The following HCK variants were observed in gnomAD, a reference collection of about 807,000 sequenced individuals.
HCK encodes HCK proto-oncogene, Src family tyrosine kinase.
HCK carries 40 observed loss-of-function variants against 70.4 expected under a neutral mutation model. The observed-to-expected ratio is 0.57, with a 90% confidence interval of 0.44 to 0.74. The LOEUF is 0.74. Among genes scored for constraint, HCK ranks in the 30% least tolerant of loss-of-function variants. The pLI is 0.00. For missense variants in HCK, 568 were observed against 697.2 expected (o/e 0.81, Z 2.09); for synonymous variants, 245 against 263.2 (o/e 0.93, Z 0.67).
chr20:32,094,672 G>C (rs1412157364), intron 11 of HCK, among the ~76,000 whole-genome samples: 1 of 126,748 alleles, frequency 7.9e-6, no homozygotes, highest in African/African-American at 3.4e-5. Context: ...GGTGGACAGA[G>C]CAAGATCTTG....
intron 8 of HCK, among the ~76,000 whole-genome samples, chr20:32,085,347 T>C (rs139771538): frequency 6.6e-6 from 1 of 152,054 alleles, no homozygotes; most frequent in South Asian, 2.1e-4. Flanking sequence ...ATCCCGTCTC[T>C]ACGAAAAAAT....
At chr20:32,063,768 T>C (rs2045414461) in intron 1 of HCK, among the ~76,000 whole-genome samples, 1 of 151,828 alleles carries the variant, frequency 6.6e-6, no homozygotes, top group Non-Finnish European at 1.5e-5. Flanking sequence ...GACTCTTTGA[T>C]GTTTAAAGGG....
chr20:32,077,363 A>G (rs1307230533), intron 5 of HCK, among the ~76,000 whole-genome samples: 4 of 152,198 alleles, frequency 2.6e-5, no homozygotes, highest in Non-Finnish European at 5.9e-5. Context: ...TCCCCTCCCC[A>G]GAAGCAACCA....
intron 8 of HCK, 29 bp from the exon 9 acceptor site, chr20:32,086,599 C>A: frequency 6.4e-7 from 1 of 1,570,804 alleles, no homozygotes; most frequent in East Asian, 2.4e-5. Context: ...GGGCTCTGAC[C>A]ACCTTCCCTG....
At chr20:32,069,776 T>C (rs1433340603) in intron 1 of HCK, 3 of 1,274,004 alleles carry the variant, frequency 2.4e-6, no homozygotes, top group Non-Finnish European at 3.1e-6. Context: ...ATAAAAGGAA[T>C]CTTTTTTCAT....
At chr20:32,059,957 A>C (rs969566963) in intron 1 of HCK, among the ~76,000 whole-genome samples, 3 of 152,134 alleles carry the variant, frequency 2.0e-5, no homozygotes, top group African/African-American at 7.2e-5. Context: ...AAAAAATGTA[A>C]AAGGATCAGC....
chr20:32,064,891 C>T (rs1422520428), intron 1 of HCK, among the ~76,000 whole-genome samples: 1 of 152,214 alleles, frequency 6.6e-6, no homozygotes, highest in Non-Finnish European at 1.5e-5. Context: ...GGCAGTGGCC[C>T]GAGGAAGTAT....
At chr20:32,083,759 C>T (rs1196548662) in intron 6 of HCK, 135 bp from the exon 7 acceptor site, 1 of 991,026 alleles carries the variant, frequency 1.0e-6, no homozygotes, top group African/African-American at 1.6e-5. Flanking sequence ...TCCCACAGCC[C>T]ACTCAGACCC....
chr20:32,096,316 G>A (rs2045954096), intron 11 of HCK, among the ~76,000 whole-genome samples: 1 of 150,538 alleles, frequency 6.6e-6, no homozygotes, highest in African/African-American at 2.4e-5. Flanking sequence ...GGCCAATATG[G>A]TGAAACCCTG....
intron 1 of HCK, 112 bp downstream of exon 1, chr20:32,052,598 G>T (rs1478842674): frequency 5.2e-6 from 4 of 765,186 alleles, no homozygotes; most frequent in Non-Finnish European, 7.3e-6. Flanking sequence ...TGGGGGCAGC[G>T]AGGGGAGACG....
chr20:32,081,617 G>A (rs2045710477), intron 6 of HCK, among the ~76,000 whole-genome samples: 1 of 152,192 alleles, frequency 6.6e-6, no homozygotes, highest in Admixed American at 6.5e-5. Context: ...AATTGGCGAA[G>A]CTTTCATGTG....
At chr20:32,062,088 C>T (rs145895392) in intron 1 of HCK, among the ~76,000 whole-genome samples, 337 of 151,922 alleles carry the variant, frequency 2.2e-3, no homozygotes, top group Non-Finnish European at 3.6e-3. Context: ...TACAGGCATG[C>T]GCCACCATGC....
intron 1 of HCK, among the ~76,000 whole-genome samples, chr20:32,061,226 C>T (rs1197557682): frequency 6.6e-6 from 1 of 152,210 alleles, no homozygotes; most frequent in Non-Finnish European, 1.5e-5. Flanking sequence ...TTGTGATTCG[C>T]CCGCCTTGGC....
chr20:32,054,531 A>G (rs964367761), intron 1 of HCK, among the ~76,000 whole-genome samples: 1 of 127,778 alleles, frequency 7.8e-6, no homozygotes, highest in African/African-American at 2.9e-5. Flanking sequence ...AAAAGCCCGG[A>G]CGCGGGGGCT....
chr20:32,054,560 A>T (rs1399972122), intron 1 of HCK, among the ~76,000 whole-genome samples: 1 of 136,240 alleles, frequency 7.3e-6, no homozygotes, highest in East Asian at 2.3e-4. Flanking sequence ...TAATCCCAGC[A>T]CTTTGGGAGG....
intron 1 of HCK, chr20:32,054,215 G>A (rs1421486963): frequency 6.6e-6 from 3 of 456,440 alleles, no homozygotes. Flanking sequence ...TCCCTCCCCA[G>A]GGGCAACCGC....
chr20:32,073,040 C>T (rs147458167), intron 2 of HCK, among the ~76,000 whole-genome samples: 2,525 of 151,736 alleles, frequency 0.017, 70 homozygotes, highest in African/African-American at 0.058. Context: ...GTGGAGGTTT[C>T]GGTGAGCTGA....
chr20:32,069,865 A>AT (rs765204750), intron 1 of HCK: 277 of 766,588 alleles, frequency 3.6e-4, no homozygotes, highest in Admixed American at 3.6e-3. Context: ...TTTTAACAAG[A>AT]TAAGTATAAC....
chr20:32,057,080 A>G (rs1372008279), intron 1 of HCK, among the ~76,000 whole-genome samples: 1 of 152,216 alleles, frequency 6.6e-6, no homozygotes, highest in Non-Finnish European at 1.5e-5. Flanking sequence ...CTCCTAAAAC[A>G]TTAGAAGAGT....
Sources: allele counts gnomAD v4.1 joint callset (sites outside exome capture counted in the v4.1 genomes callset), GRCh38; gene constraint gnomAD v4.1.1; transcripts MANE v1.5; gene names NCBI Gene and HGNC (gene_info 2026-07-23, HGNC 2026-07-21).